PRMT8: variants seen among roughly 807,000 people sequenced by gnomAD.
The protein encoded by PRMT8 is protein arginine methyltransferase 8.
PRMT8 carries 7 observed loss-of-function variants against 47.1 expected under a neutral mutation model. The observed-to-expected ratio is 0.15, with a 90% CI of 0.08 to 0.28. PRMT8 has a LOEUF of 0.28. Among genes scored for constraint, PRMT8 ranks in the 10% least tolerant of loss-of-function variants. The pLI is 1.00. For synonymous variants in PRMT8, 188 were observed against 186.5 expected (o/e 1.01, Z -0.07); for missense variants, 237 against 505.4 (o/e 0.47, Z 5.09).
rs573808110 is a variant in PRMT8 at position 3,583,307 on chromosome 12, C to T, written c.979+99C>T. 1.5e-6 allele frequency: 2 copies of T among 1,360,930 alleles called. No homozygotes were observed. Among genetic ancestry groups the T allele is most frequent in the East Asian group, 2.5e-5 (1 of 39,824 alleles). The allele number at this position is 1,360,930 out of a possible 1,614,324, so 84.3% of individuals were successfully genotyped here. A position where few individuals can be genotyped will look rare whatever the true frequency, so the allele number is the denominator to read the frequency against. On this transcript the variant is annotated intron_variant, in intron 8 of 9. Transcript: ENST00000382622. This position sits in a 1 kb window ranked among gnomAD's most constrained non-coding sequence, Gnocchi z 4.7. ...CTGGCCTTGACTTGGGGAGAAGGGG[C>T]TGGGTGTTAGCTGGGTGACACCTAT...
chr12:3,483,864 C>T (rs977629117), intron 1 of PRMT8, among the ~76,000 whole-genome samples: 4 of 152,124 alleles, frequency 2.6e-5, no homozygotes, highest in African/African-American at 9.7e-5. Flanking sequence ...ACTTACAGCC[C>T]AGTAGCCTGT....
chr12:3,556,548 G>A (rs1866531100), intron 4 of PRMT8, among the ~76,000 whole-genome samples: 1 of 152,090 alleles, frequency 6.6e-6, no homozygotes, highest in South Asian at 2.1e-4. Context: ...CTCAATGTGG[G>A]GCTGGGAGAG....
Position 3,493,902 on chromosome 12 carries a change from T to C in PRMT8, c.75+2202T>C, listed in dbSNP as rs1356815506. ...GGTGTGAGCCAGGTTGGCGGATCGG[T>C]TCTTAGCAACTTCCCTGGAGAAGGG... On this transcript the variant is annotated intron_variant, in intron 1 of 9. Coordinates refer to ENST00000382622, the MANE Select transcript of PRMT8 (RefSeq NM_019854.5). This position sits in a 1 kb window ranked among gnomAD's most constrained non-coding sequence, Gnocchi z 8.2. Among the ~76,000 whole-genome samples, 3 of 152,130 alleles carry C rather than the reference T, an allele frequency of 2.0e-5. No individual in the cohort carries two copies. The highest frequency in any genetic ancestry group is 7.2e-5 in the African/African-American group (3 of 41,434).
chr12:3,507,323 G>A (rs375530677), intron 1 of PRMT8, among the ~76,000 whole-genome samples: 5 of 151,988 alleles, frequency 3.3e-5, no homozygotes, highest in South Asian at 2.1e-4. Flanking sequence ...GCGTTTCACC[G>A]TGTTAGCCAG....
At chr12:3,478,077 G>A (rs4765736) in intron 1 of PRMT8, among the ~76,000 whole-genome samples, 115,295 of 152,004 alleles carry the variant, frequency 0.76, 43,985 homozygotes, top group Middle Eastern at 0.86. Flanking sequence ...AAGATTTCCT[G>A]TGGGTTGGGA....
Position 3,540,617 on chromosome 12 carries a change from C to CCCGGG in PRMT8, c.89_90insGGGCC (p.Ser31GlyfsTer37). ...TCTCTTCCCCTCAGGTGAACAGCCC[C>CCCGGG]CCCTCCCAGCCCCCCCAGCCCGTCG... On this transcript the variant is annotated frameshift_variant, in exon 2 of 10. Coordinates refer to ENST00000382622, the MANE Select transcript of PRMT8 (RefSeq NM_019854.5). LOFTEE classifies it high-confidence loss of function. 8.8e-7 allele frequency: 1 copy of CCCGGG among 1,137,502 alleles called. No individual in the cohort carries two copies. Among genetic ancestry groups the CCCGGG allele is most frequent in the Non-Finnish European group, 1.3e-6 (1 of 756,916 alleles). 70.5% of individuals were successfully genotyped at this position (1,137,502 alleles called of 1,614,324 possible).
intron 1 of PRMT8, among the ~76,000 whole-genome samples, chr12:3,521,852 C>T (rs772519533): frequency 6.6e-5 from 10 of 152,096 alleles, no homozygotes; most frequent in Non-Finnish European, 1.0e-4. Context: ...GCCCTGAATG[C>T]GGTCAAAATA....
rs561335372 is a variant in PRMT8, at chr12:3,457,700, A to G, written c.48+76258A>G. 6.6e-5 allele frequency among the ~76,000 whole-genome samples: 10 copies of G among 152,250 alleles called. No individual in the cohort carries two copies. The South Asian group carries it at 2.1e-3, about 32-fold the overall frequency. ...TTAAATATAGTTTCGAACCACACAT[A>G]GTTGAAAATTTGGAGAATATAGAAT... On this transcript the variant is annotated intron_variant, in intron 1 of 9. Coordinates refer to the PRMT8 transcript ENST00000452611.
intron 1 of PRMT8, among the ~76,000 whole-genome samples, chr12:3,447,976 C>T (rs375296201): frequency 3.9e-5 from 6 of 152,242 alleles, no homozygotes; most frequent in Admixed American, 2.0e-4. Context: ...TAGAGTTAAA[C>T]GTTTTGGCCT....
At chr12:3,457,555 C>T (rs931007430) in intron 1 of PRMT8, among the ~76,000 whole-genome samples, 2 of 152,154 alleles carry the variant, frequency 1.3e-5, no homozygotes, top group African/African-American at 4.8e-5. Context: ...GCAATCCTCC[C>T]ACCTCAGCCT....
In PRMT8 at chr12:3,569,386, C is replaced by T. The variant is rs151114606; in HGVS notation, c.625-91C>T. The T allele has an allele frequency of 3.3e-4, 352 of 1,075,262 alleles. 1 individual carries two copies. In the African/African-American group the frequency reaches 4.6e-3, roughly 14 times the overall value. The allele number at this position is 1,075,262 out of a possible 1,614,324, so 66.6% of individuals were successfully genotyped here. A position where few individuals can be genotyped will look rare whatever the true frequency, so the allele number is the denominator to read the frequency against. Reference sequence around the variant, plus strand: ...CATGAGAGATGGTGGCAAGGGGGTGCTTGTCTGGTGACTCTATGTGCAGTT... The same window carrying T: ...CATGAGAGATGGTGGCAAGGGGGTGTTTGTCTGGTGACTCTATGTGCAGTT... On this transcript the variant is annotated intron_variant, in intron 5 of 9. Transcript: ENST00000382622. This position sits in a 1 kb window ranked among gnomAD's most constrained non-coding sequence, Gnocchi z 8.2.
intron 1 of PRMT8, among the ~76,000 whole-genome samples, chr12:3,415,097 A>G (rs978677847): frequency 6.6e-6 from 1 of 152,074 alleles, no homozygotes; most frequent in African/African-American, 2.4e-5. Flanking sequence ...GGGTTTCCTC[A>G]GCCTCCTCCT....
At chr12:3,531,441 A>G (rs1866028668) in intron 1 of PRMT8, among the ~76,000 whole-genome samples, 1 of 152,222 alleles carries the variant, frequency 6.6e-6, no homozygotes, top group Admixed American at 6.5e-5. Context: ...TAATATGTGG[A>G]GGCTTGGGAG....
intron 1 of PRMT8, among the ~76,000 whole-genome samples, chr12:3,386,276 T>A (rs1864137095): frequency 6.6e-6 from 1 of 152,246 alleles, no homozygotes; most frequent in Non-Finnish European, 1.5e-5. Context: ...AGTGCTGCCA[T>A]CTCTCTTTTG....
Position 3,508,427 on chromosome 12 carries a change from C to T in PRMT8, c.75+16727C>T, listed in dbSNP as rs915041113. On this transcript the variant is annotated intron_variant, in intron 1 of 9. Transcript: ENST00000382622. The surrounding 1 kb of genome is among the most constrained non-coding windows in gnomAD (Gnocchi z 4.9). Reference sequence around the variant, plus strand: ...AAGTTTAATTACCGGCCTGGAGCTTCTGAGCTACACACAGGGTCTGACATC... The same window carrying T: ...AAGTTTAATTACCGGCCTGGAGCTTTTGAGCTACACACAGGGTCTGACATC... 2.6e-5 allele frequency among the ~76,000 whole-genome samples: 4 copies of T among 152,208 alleles called. No homozygotes were observed. The highest frequency in any genetic ancestry group is 5.9e-5 in the Non-Finnish European group (4 of 68,042).
intron 4 of PRMT8, among the ~76,000 whole-genome samples, chr12:3,556,332 G>T (rs1243205547): frequency 6.6e-6 from 1 of 152,044 alleles, no homozygotes; most frequent in Non-Finnish European, 1.5e-5. Flanking sequence ...ACATTCGGAG[G>T]TCAAGCAGGG....
In PRMT8 at chr12:3,580,354, G is replaced by GTGTGTA. The variant is rs1565448426; in HGVS notation, c.829-2699_829-2698insATGTGT. The stretch of plus-strand genomic sequence containing the variant: ...TGCGTGTGCGTGTGTGTGTGTGTGT[G>GTGTGTA]TGTGTGTGTGTGTACGCGTGCGCAT... On this transcript the variant is annotated intron_variant, in intron 7 of 9. Transcript: ENST00000382622. This position sits in a 1 kb window ranked among gnomAD's most constrained non-coding sequence, Gnocchi z 4.6. Among the ~76,000 whole-genome samples, 5 of 151,620 alleles carry GTGTGTA rather than the reference G, an allele frequency of 3.3e-5. No individual in the cohort carries two copies. The highest frequency in any genetic ancestry group is 4.9e-5 in the African/African-American group (2 of 41,224).
At chr12:3,553,590 G>C in intron 3 of PRMT8, 61 bp from the exon 4 acceptor site, 1 of 1,363,806 alleles carries the variant, frequency 7.3e-7, no homozygotes, top group Admixed American at 1.7e-5. Flanking sequence ...CCATTGAATC[G>C]GTGTGGGTCT....
At chr12:3,480,132 T>C (rs1297751389) in intron 1 of PRMT8, among the ~76,000 whole-genome samples, 1 of 152,260 alleles carries the variant, frequency 6.6e-6, no homozygotes, top group Non-Finnish European at 1.5e-5. Context: ...TCTCTGCAAG[T>C]CTGGCTTGAA....
Sources: gnomAD v4.1 joint callset for allele counts (sites outside exome capture counted in the v4.1 genomes callset) on GRCh38, gnomAD v4.1.1 for gene constraint, Gnocchi (gnomAD v3.1) non-coding constraint, MANE v1.5 for transcripts, NCBI Gene and HGNC (gene_info 2026-07-23, HGNC 2026-07-21) for gene names.